The following THSD7A variants were observed in gnomAD, a reference collection of about 807,000 sequenced individuals.
THSD7A encodes the protein thrombospondin type-1 domain-containing protein 7A.
A neutral mutation model predicts 231.3 loss-of-function variants in THSD7A; 96 were observed. That is an observed-to-expected ratio of 0.41 (90% CI 0.35 to 0.49). THSD7A has a LOEUF of 0.49. THSD7A is among the 20% of genes least tolerant of loss of function. The probability of loss-of-function intolerance (pLI) is 0.05; values close to 1 mark genes in which losing one functional copy is unlikely to be tolerated. For missense variants in THSD7A, 2,290 were observed against 2,070.2 expected (o/e 1.11, Z -2.06); for synonymous variants, 940 against 743.3 (o/e 1.26, Z -4.30).
intron 1 of THSD7A, among the ~76,000 whole-genome samples, chr7:11,801,907 A>G (rs1009824706): frequency 6.6e-6 from 1 of 152,242 alleles, no homozygotes; most frequent in East Asian, 1.9e-4. Context: ...TATCAGGAAT[A>G]ACATTAAATC....
chr7:11,810,073 G>C (rs574584899), intron 1 of THSD7A, among the ~76,000 whole-genome samples: 42 of 152,224 alleles, frequency 2.8e-4, no homozygotes, highest in South Asian at 1.2e-3. Context: ...CATTATAAGA[G>C]ACTGATCAAG....
intron 6 of THSD7A, chr7:11,520,000 G>C (rs1321808979): frequency 6.6e-6 from 1 of 152,132 alleles, no homozygotes; most frequent in African/African-American, 2.4e-5. Flanking sequence ...ACACCAACTT[G>C]TGTCTTTCCT....
At chr7:11,442,791 G>A (rs951340352) in intron 13 of THSD7A, among the ~76,000 whole-genome samples, 4 of 152,036 alleles carry the variant, frequency 2.6e-5, no homozygotes, top group African/African-American at 9.7e-5. Flanking sequence ...ACCAGATTGA[G>A]AAAGGAATGA....
At chr7:11,753,905 C>T (rs1186148817) in intron 1 of THSD7A, among the ~76,000 whole-genome samples, 1 of 151,676 alleles carries the variant, frequency 6.6e-6, no homozygotes, top group African/African-American at 2.4e-5. Context: ...CTTATGAATA[C>T]CACAAAACAG....
intron 1 of THSD7A, among the ~76,000 whole-genome samples, chr7:11,671,437 T>C (rs1384082275): frequency 2.6e-5 from 4 of 152,196 alleles, no homozygotes; most frequent in Admixed American, 2.6e-4. Flanking sequence ...TAGGCATGTG[T>C]ATTTTGAAAT....
chr7:11,820,636 C>G, intron 1 of THSD7A: 1 of 757,690 alleles, frequency 1.3e-6, no homozygotes. Flanking sequence ...TTTCCTCGAG[C>G]GCTCTGCCAC....
At chr7:11,703,213 G>T (rs1199043856) in intron 1 of THSD7A, among the ~76,000 whole-genome samples, 2 of 151,216 alleles carry the variant, frequency 1.3e-5, no homozygotes, top group Non-Finnish European at 3.0e-5. Context: ...AAACTCTGGT[G>T]TTGAAGAGGC....
chr7:11,580,550 GCC>G (rs1184367254), intron 4 of THSD7A, among the ~76,000 whole-genome samples: 1 of 152,096 alleles, frequency 6.6e-6, no homozygotes, highest in East Asian at 1.9e-4. Context: ...ATACTATGCA[GCC>G]ATTAAAAGAA....
chr7:11,506,086 A>G (rs1787531724), intron 6 of THSD7A, among the ~76,000 whole-genome samples: 1 of 152,174 alleles, frequency 6.6e-6, no homozygotes, highest in Non-Finnish European at 1.5e-5. Context: ...CAGTACATGC[A>G]GATAATTTAA....
At chr7:11,739,331 C>T (rs1782026490) in intron 1 of THSD7A, among the ~76,000 whole-genome samples, 1 of 151,834 alleles carries the variant, frequency 6.6e-6, no homozygotes, top group Non-Finnish European at 1.5e-5. Flanking sequence ...CTTGAAGGTC[C>T]TTAAACACTT....
intron 2 of THSD7A, among the ~76,000 whole-genome samples, chr7:11,620,805 T>G (rs1295821710): frequency 6.6e-6 from 1 of 152,176 alleles, no homozygotes; most frequent in Non-Finnish European, 1.5e-5. Flanking sequence ...ACTAGCCTGT[T>G]TTCATTCAAT....
intron 4 of THSD7A, among the ~76,000 whole-genome samples, chr7:11,555,214 C>G (rs1789796113): frequency 6.6e-6 from 1 of 151,824 alleles, no homozygotes; most frequent in Non-Finnish European, 1.5e-5. Flanking sequence ...ATCCTCTTTT[C>G]CAATGTAAGC....
chr7:11,721,923 C>A (rs530449173), intron 1 of THSD7A, among the ~76,000 whole-genome samples: 39 of 151,758 alleles, frequency 2.6e-4, no homozygotes, highest in Middle Eastern at 3.2e-3. Flanking sequence ...ATATTGAACT[C>A]TTCTTATATT....
At chr7:11,402,103 G>C (rs1783426382) in intron 22 of THSD7A, 135 bp from the exon 23 acceptor site, 2 of 669,202 alleles carry the variant, frequency 3.0e-6, no homozygotes, top group Non-Finnish European at 4.8e-6. Context: ...ATTTAAATAA[G>C]CATTTAATAT....
At chr7:11,757,771 A>G (rs1782732151) in intron 1 of THSD7A, among the ~76,000 whole-genome samples, 3 of 151,800 alleles carry the variant, frequency 2.0e-5, no homozygotes, top group Non-Finnish European at 4.4e-5. Flanking sequence ...AAATATCTTT[A>G]ATGGGCTTTT....
chr7:11,407,145 T>A, intron 20 of THSD7A, 90 bp from the exon 21 acceptor site: 1 of 1,530,352 alleles, frequency 6.5e-7, no homozygotes, highest in Non-Finnish European at 8.9e-7. Flanking sequence ...CAGTGATATC[T>A]CCTGAGGCAA....
At chr7:11,570,127 T>G (rs1343117096) in intron 4 of THSD7A, among the ~76,000 whole-genome samples, 3 of 151,370 alleles carry the variant, frequency 2.0e-5, no homozygotes, top group Admixed American at 1.3e-4. Context: ...GCTGTGACCC[T>G]GCCACCACAC....
intron 1 of THSD7A, among the ~76,000 whole-genome samples, chr7:11,684,170 A>G (rs1779938745): frequency 2.0e-5 from 3 of 152,106 alleles, no homozygotes; most frequent in African/African-American, 4.8e-5. Context: ...AATAAATTCA[A>G]TAAAACCCAA....
chr7:11,519,113 T>C (rs543401905), intron 6 of THSD7A, among the ~76,000 whole-genome samples: 10 of 152,192 alleles, frequency 6.6e-5, no homozygotes, highest in Admixed American at 2.0e-4. Context: ...TTTTTTGGTT[T>C]ATATATAATA....
Sources: gnomAD v4.1 joint callset for allele counts (sites outside exome capture counted in the v4.1 genomes callset) on GRCh38, gnomAD v4.1.1 for gene constraint, MANE v1.5 for transcripts, NCBI Gene and HGNC (gene_info 2026-07-23, HGNC 2026-07-21) for gene names.